The following DLC1 variants were observed in gnomAD, a reference collection of about 807,000 sequenced individuals.
DLC1 encodes DLC1 Rho GTPase activating protein, also known as rho GTPase-activating protein 7.
In DLC1, 54 loss-of-function variants were observed where a neutral mutation model predicts 140.3. The ratio of observed to expected loss-of-function variants is 0.38; its 90% CI spans 0.31 to 0.48. The LOEUF is 0.48. Ranked by LOEUF, DLC1 falls within the 20% of genes least tolerant of loss-of-function variation. The pLI, the probability that DLC1 is intolerant of heterozygous loss-of-function variation, is 0.96. For synonymous variants in DLC1, 986 were observed against 728.1 expected, an observed-to-expected ratio of 1.35 and a Z score of -5.70; for missense variants, 2,536 against 1,907.0, an observed-to-expected ratio of 1.33 and a Z score of -6.14.
intron 4 of DLC1, among the ~76,000 whole-genome samples, chr8:13,379,816 C>CA (rs1249460266): frequency 6.6e-6 from 1 of 152,048 alleles, no homozygotes; most frequent in African/African-American, 2.4e-5. Flanking sequence ...TATGCAGCCT[C>CA]AAAAAAGATT....
At chr8:13,563,252 G>T (rs550492576) in intron 1 of DLC1, among the ~76,000 whole-genome samples, 1 of 152,242 alleles carries the variant, frequency 6.6e-6, no homozygotes, top group South Asian at 2.1e-4. Context: ...AGGCATTCTT[G>T]AGGCAGTCAG....
intron 2 of DLC1, among the ~76,000 whole-genome samples, chr8:13,464,736 GA>G (rs1286345682): frequency 1.1e-4 from 13 of 122,586 alleles, no homozygotes; most frequent in African/African-American, 3.9e-4. Context: ...AAAAAATATA[GA>G]ATTTTAAATT....
intron 5 of DLC1, among the ~76,000 whole-genome samples, chr8:13,270,738 C>CT (rs550457769): frequency 6.3e-4 from 95 of 151,318 alleles, no homozygotes; most frequent in Non-Finnish European, 1.1e-3. Flanking sequence ...CTTTTCTTTT[C>CT]TTTTTTTTTG....
At chr8:13,301,223 C>CAA (rs754993209) in intron 5 of DLC1, among the ~76,000 whole-genome samples, 2,740 of 132,558 alleles carry the variant, frequency 0.021, 24 homozygotes, top group South Asian at 0.046. Context: ...GTCTAATAGA[C>CAA]AAAAAAAAAA....
intron 2 of DLC1, among the ~76,000 whole-genome samples, chr8:13,449,142 A>G (rs2116959297): frequency 1.3e-5 from 2 of 152,318 alleles, no homozygotes. Flanking sequence ...AGTATTGTGA[A>G]ACGACCTAGA....
At chr8:13,325,690 G>C (rs2116922817) in intron 4 of DLC1, among the ~76,000 whole-genome samples, 1 of 152,270 alleles carries the variant, frequency 6.6e-6, no homozygotes, top group East Asian at 1.9e-4. Context: ...ACAGAATAAA[G>C]AACGTTCGGC....
chr8:13,489,501 T>C (rs1801139265), intron 2 of DLC1, among the ~76,000 whole-genome samples: 1 of 151,598 alleles, frequency 6.6e-6, no homozygotes. Flanking sequence ...TTACTATGTG[T>C]ACACAGACAC....
intron 2 of DLC1, among the ~76,000 whole-genome samples, chr8:13,459,642 T>C (rs180699103): frequency 4.8e-4 from 73 of 152,260 alleles, no homozygotes; most frequent in Admixed American, 3.9e-3. Flanking sequence ...CACTCCAGCA[T>C]GGTCTATGCT....
chr8:13,254,165 C>A (rs1181413369), intron 5 of DLC1, among the ~76,000 whole-genome samples: 1 of 150,338 alleles, frequency 6.7e-6, no homozygotes, highest in East Asian at 1.9e-4. Flanking sequence ...CACCCCAACC[C>A]GACCCCCTAA....
intron 4 of DLC1, among the ~76,000 whole-genome samples, chr8:13,350,886 A>G (rs1023013709): frequency 5.3e-5 from 8 of 152,134 alleles, no homozygotes; most frequent in Admixed American, 3.9e-4. Context: ...TATAATACTC[A>G]TTCTTTTGAG....
At chr8:13,188,419 CAAAAAAAAA>C (rs1178090798) in intron 5 of DLC1, among the ~76,000 whole-genome samples, 6 of 58,984 alleles carry the variant, frequency 1.0e-4, no homozygotes, top group Non-Finnish European at 1.5e-4. Flanking sequence ...GACTCCGTCT[CAAAAAAAAA>C]AAAAAAAAAA....
chr8:13,586,837 T>A (rs870769), intron 1 of DLC1, among the ~76,000 whole-genome samples: 1 of 152,038 alleles, frequency 6.6e-6, no homozygotes, highest in African/African-American at 2.4e-5. Flanking sequence ...AAGCAAGACT[T>A]GTTATAGTGG....
At chr8:13,291,877 T>C (rs1054000045) in intron 5 of DLC1, among the ~76,000 whole-genome samples, 2 of 152,098 alleles carry the variant, frequency 1.3e-5, no homozygotes, top group African/African-American at 4.8e-5. Flanking sequence ...AAAGCTACCA[T>C]AGACGAAGCA....
chr8:13,550,011 T>A (rs1411592004), intron 1 of DLC1, among the ~76,000 whole-genome samples: 5 of 152,150 alleles, frequency 3.3e-5, no homozygotes, highest in Admixed American at 3.3e-4. Context: ...ATCAGTGAAG[T>A]ATCTTCATCC....
chr8:13,152,946 A>T (rs1237403588), intron 5 of DLC1, among the ~76,000 whole-genome samples: 1 of 152,164 alleles, frequency 6.6e-6, no homozygotes, highest in African/African-American at 2.4e-5. Context: ...GAAACTTTGT[A>T]ACTACTTTGA....
chr8:13,429,178 T>C (rs1042432861), intron 2 of DLC1, among the ~76,000 whole-genome samples: 1 of 152,212 alleles, frequency 6.6e-6, no homozygotes, highest in Non-Finnish European at 1.5e-5. Context: ...AACACTGTGG[T>C]TCTTTTTAGC....
intron 4 of DLC1, among the ~76,000 whole-genome samples, chr8:13,359,900 T>C (rs1377923362): frequency 1.3e-5 from 2 of 152,188 alleles, no homozygotes; most frequent in Non-Finnish European, 2.9e-5. Flanking sequence ...ATCATAAATG[T>C]TCAGGATATT....
At chr8:13,430,569 T>A (rs1838819457) in intron 2 of DLC1, among the ~76,000 whole-genome samples, 1 of 152,188 alleles carries the variant, frequency 6.6e-6, no homozygotes, top group Non-Finnish European at 1.5e-5. Context: ...GTCTTCCTTT[T>A]TTCTGCAGTA....
rs1004519753 is a variant in DLC1, at chr8:13,301,896, T to C, written c.1348+3373A>G. 1.2e-4 allele frequency among the ~76,000 whole-genome samples: 18 copies of C among 152,246 alleles called. 1 individual carries two copies. The highest frequency in any genetic ancestry group is 4.1e-4 in the African/African-American group (17 of 41,550). On this transcript the variant is annotated intron_variant, in intron 5 of 17. Coordinates refer to ENST00000276297, the MANE Select transcript of DLC1 (RefSeq NM_182643.3). The stretch of plus-strand genomic sequence containing the variant: ...TGAGGTCTGAGGTGGAACAATTTCA[T>C]CCTGAAACCCTCCCCTACCCAACTC...
Sources: allele counts gnomAD v4.1 joint callset (sites outside exome capture counted in the v4.1 genomes callset), GRCh38; gene constraint gnomAD v4.1.1; transcripts MANE v1.5; gene names NCBI Gene and HGNC (gene_info 2026-07-23, HGNC 2026-07-21).